ZNF470: variants seen among roughly 807,000 people sequenced by gnomAD.
The protein encoded by ZNF470 is chondrogenesis zinc finger protein 1.
In ZNF470, 13 loss-of-function variants were observed where a neutral mutation model predicts 13.9. That is an observed-to-expected ratio of 0.94 (90% CI 0.61 to 1.49). The LOEUF (loss-of-function observed/expected upper bound fraction) is 1.49, where lower values mean the gene tolerates loss of function less well. Ranked by LOEUF, ZNF470 falls within the 40% of genes most tolerant of loss-of-function variation. The pLI is 0.00. For missense variants in ZNF470, 929 were observed against 857.3 expected (o/e 1.08, Z -1.04); for synonymous variants, 293 against 282.9 (o/e 1.04, Z -0.36).
Position 56,579,597 on chromosome 19 carries a change from AT to A in ZNF470, c.*1017del. On this transcript the variant is annotated 3_prime_UTR_variant, in exon 6 of 6. Transcript: ENST00000330619. ...AAGTACCACAGACAATTCGTGTGGT[AT>A]TTAAATTGTTCTAGCATAAAATAAA... is the stretch of plus-strand genomic sequence containing the variant. 2.0e-6 allele frequency: 2 copies of A among 985,456 alleles called. No homozygotes were observed. The highest frequency in any genetic ancestry group is 2.4e-6 in the Non-Finnish European group (2 of 829,934). The allele number at this position is 985,456 out of a possible 1,614,324, so 61.0% of individuals were successfully genotyped here.
chr19:56,578,004 G>A lies in ZNF470; in HGVS notation c.1575G>A (p.Ala525=), dbSNP rs139141662. Residue 525 remains alanine (A), a synonymous_variant, in exon 6 of 6, where the codon GCG becomes GCA. Coordinates refer to ENST00000330619, the MANE Select transcript of ZNF470 (RefSeq NM_001001668.4). The part of the protein sequence containing the change: ...SKTFSQNAHL[A]QHQKIHTGEK... ...CCTTCAGCCAGAATGCACACCTCGCGCAACATCAGAAAATACACACTGGGG... is the reference window on the plus strand; with the variant it reads ...CCTTCAGCCAGAATGCACACCTCGCACAACATCAGAAAATACACACTGGGG... The A allele has an allele frequency of 2.8e-4, 451 of 1,612,898 alleles. No individual in the cohort carries two copies. The highest frequency in any genetic ancestry group is 2.5e-3 in the African/African-American group (184 of 74,844).
At position 56,582,339 on chromosome 19, in the gene ZNF470, G is replaced by T; in HGVS notation, c.*3756G>T. On this transcript the variant is annotated 3_prime_UTR_variant, in exon 6 of 6. Coordinates refer to ENST00000330619, the MANE Select transcript of ZNF470 (RefSeq NM_001001668.4). ...TAGCTCTTGAATTTCTAGCATTAAG[G>T]CAAAAAAAATTCACCTAAGGGATTT... 34 of 984,964 alleles carry T rather than the reference G, an allele frequency of 3.5e-5. No homozygotes were observed. The highest frequency in any genetic ancestry group is 4.1e-5 in the Non-Finnish European group (34 of 829,804). 61.0% of individuals were successfully genotyped at this position (984,964 alleles called of 1,614,324 possible). A position where few individuals can be genotyped will look rare whatever the true frequency, so the allele number is the denominator to read the frequency against.
Position 56,578,673 on chromosome 19 carries a change from G to A in ZNF470, c.*90G>A. The A allele has an allele frequency of 1.5e-6, 2 of 1,340,686 alleles. No homozygotes were observed. The highest frequency in any genetic ancestry group is 5.1e-5 in the South Asian group (2 of 39,462). 83.0% of individuals were successfully genotyped at this position (1,340,686 alleles called of 1,614,324 possible). ...GTCCAAGACGCAACCATCTCATCTG[G>A]ATTTCTGCAGTAGCATAACTGTTGC... is the stretch of plus-strand genomic sequence containing the variant. On this transcript the variant is annotated 3_prime_UTR_variant, in exon 6 of 6. Transcript: ENST00000330619.
In ZNF470 at chr19:56,567,672, C is replaced by T. The variant is rs1294829087; in HGVS notation, c.-525C>T. On this transcript the variant is annotated 5_prime_UTR_variant, in exon 1 of 6. Transcript: ENST00000330619. ...TACGTGGTGAGCGTGCGGTGCTGTG[C>T]TGAGGAGGGGCGAGCGCGCGCGGGG... is the stretch of plus-strand genomic sequence containing the variant. 6.1e-6 allele frequency: 6 copies of T among 987,798 alleles called. No individual in the cohort carries two copies. Among genetic ancestry groups the T allele is most frequent in the Non-Finnish European group, 7.2e-6 (6 of 831,884 alleles). 61.2% of individuals were successfully genotyped at this position (987,798 alleles called of 1,614,324 possible).
Position 56,577,414 on chromosome 19 carries a change from C to G in ZNF470, c.985C>G (p.Gln329Glu), listed in dbSNP as rs1260202514. ...KAFSQLAHLA[Q>E]HQRVHTGEKP... Reference sequence around the variant, plus strand: ...ATTCAGCCAGCTTGCACACCTTGCTCAACATCAGAGGGTCCACACTGGAGA... The same window carrying G: ...ATTCAGCCAGCTTGCACACCTTGCTGAACATCAGAGGGTCCACACTGGAGA... The change falls in exon 6 of 6, where the codon CAA (glutamine) becomes GAA (glutamate). Residue 329 changes from glutamine to glutamate, a missense_variant. Coordinates refer to ENST00000330619, the MANE Select transcript of ZNF470 (RefSeq NM_001001668.4). The G allele has an allele frequency of 3.1e-6, 5 of 1,613,974 alleles. No homozygotes were observed. In the South Asian group the frequency reaches 4.4e-5, roughly 14 times the overall value.
chr19:56,568,296 G>C (rs1039669074), intron 1 of ZNF470, among the ~76,000 whole-genome samples: 2 of 152,140 alleles, frequency 1.3e-5, no homozygotes, highest in African/African-American at 4.8e-5. Flanking sequence ...CCATGGGAGA[G>C]AACACTACCC....
At chr19:56,574,373 A>T (rs1045423297) in intron 3 of ZNF470, 21 bp from the exon 4 acceptor site, 3 of 1,613,412 alleles carry the variant, frequency 1.9e-6, no homozygotes, top group Non-Finnish European at 2.5e-6. Flanking sequence ...AGTGAGCAAG[A>T]TCATATTTGT....
At position 56,574,664 on chromosome 19, in the gene ZNF470, A is replaced by G. The variant is rs930311265; in HGVS notation, c.214A>G (p.Ile72Val). The part of the protein sequence containing the change: ...VGLCISKPDV[I>V]SLLEQEKDPW... ...TCTTTGCATTTCTAAACCAGATGTGATCTCCTTACTGGAGCAAGAGAAAGA... is the reference window on the plus strand; with the variant it reads ...TCTTTGCATTTCTAAACCAGATGTGGTCTCCTTACTGGAGCAAGAGAAAGA... Residue 72 changes from isoleucine to valine, a missense_variant, in exon 5 of 6, where the codon ATC becomes GTC. Physicochemically the swap from Ile to Val is conservative, Grantham distance 29 (BLOSUM62 3). Coordinates refer to ENST00000330619, the MANE Select transcript of ZNF470 (RefSeq NM_001001668.4). 6.2e-7 allele frequency: 1 copy of G among 1,613,728 alleles called. No homozygotes were observed. The highest frequency in any genetic ancestry group is 8.5e-7 in the Non-Finnish European group (1 of 1,179,828).
In ZNF470 at chr19:56,582,642, A is replaced by T; in HGVS notation, c.*4059A>T. 2 of 920,212 alleles carry T rather than the reference A, an allele frequency of 2.2e-6. No individual in the cohort carries two copies. The highest frequency in any genetic ancestry group is 2.6e-6 in the Non-Finnish European group (2 of 770,586). The allele number at this position is 920,212 out of a possible 1,614,324, so 57.0% of individuals were successfully genotyped here. A position where few individuals can be genotyped will look rare whatever the true frequency, so the allele number is the denominator to read the frequency against. On this transcript the variant is annotated 3_prime_UTR_variant, in exon 6 of 6. Coordinates refer to ENST00000330619, the MANE Select transcript of ZNF470 (RefSeq NM_001001668.4). Reference sequence around the variant, plus strand: ...GTATTTGGACATAAGGCCTTTAAGAAACTAAGGTTAAGTTAGGCCATAAGA... The same window carrying T: ...GTATTTGGACATAAGGCCTTTAAGATACTAAGGTTAAGTTAGGCCATAAGA...
At chr19:56,570,845 A>G (rs1034599911) in intron 3 of ZNF470, among the ~76,000 whole-genome samples, 12 of 152,230 alleles carry the variant, frequency 7.9e-5, no homozygotes, top group Admixed American at 2.0e-4. Context: ...TTAATAGCCC[A>G]TATGATGTCT....
In ZNF470 at chr19:56,579,059, C is replaced by G. The variant is rs1244992723; in HGVS notation, c.*476C>G. ...AGGTAACATGGTGGCTTATCACTCC[C>G]TCTGTGACATTGTTGATGAGCAACT... On this transcript the variant is annotated 3_prime_UTR_variant, in exon 6 of 6. Transcript: ENST00000330619. The G allele has an allele frequency of 1.0e-6, 1 of 985,796 alleles. No individual in the cohort carries two copies. The highest frequency in any genetic ancestry group is 1.2e-6 in the Non-Finnish European group (1 of 830,296). The allele number at this position is 985,796 out of a possible 1,614,324, so 61.1% of individuals were successfully genotyped here.
chr19:56,569,945 C>T (rs1407707504), intron 2 of ZNF470, among the ~76,000 whole-genome samples: 2 of 151,974 alleles, frequency 1.3e-5, no homozygotes, highest in Admixed American at 6.6e-5. Context: ...GCTATGATCA[C>T]GTCACTGTAC....
rs2044540765 is a variant in ZNF470, at chr19:56,582,178, GATT to G, written c.*3599_*3601del. 24 of 985,354 alleles carry G rather than the reference GATT, an allele frequency of 2.4e-5. No homozygotes were observed. Among genetic ancestry groups the G allele is most frequent in the Non-Finnish European group, 2.8e-5 (23 of 829,916 alleles). 61.0% of individuals were successfully genotyped at this position (985,354 alleles called of 1,614,324 possible). A position where few individuals can be genotyped will look rare whatever the true frequency, so the allele number is the denominator to read the frequency against. On this transcript the variant is annotated 3_prime_UTR_variant, in exon 6 of 6. Coordinates refer to ENST00000330619, the MANE Select transcript of ZNF470 (RefSeq NM_001001668.4). ...CATGGTGTGCGATGAGCAAACGCCT[GATT>G]ATTCATTATAGTCACCTGGGATGAA...
chr19:56,580,872 T>C lies in ZNF470; in HGVS notation c.*2289T>C, dbSNP rs947900967. 5 of 985,352 alleles carry C rather than the reference T, an allele frequency of 5.1e-6. No individual in the cohort carries two copies. Among genetic ancestry groups the C allele is most frequent in the Non-Finnish European group, 6.0e-6 (5 of 829,870 alleles). The allele number at this position is 985,352 out of a possible 1,614,324, so 61.0% of individuals were successfully genotyped here. A position where few individuals can be genotyped will look rare whatever the true frequency, so the allele number is the denominator to read the frequency against. ...GTGGGGAAAAGGTGGTTTGATCAAA[T>C]GGCATTGGGAAACTTAGCTCACTGG... On this transcript the variant is annotated 3_prime_UTR_variant, in exon 6 of 6. Transcript: ENST00000330619.
chr19:56,578,701 C>G lies in ZNF470; in HGVS notation c.*118C>G, dbSNP rs2147988625. 7.6e-7 allele frequency: 1 copy of G among 1,308,206 alleles called. No homozygotes were observed. The highest frequency in any genetic ancestry group is 3.0e-5 in the South Asian group (1 of 33,600). The allele number at this position is 1,308,206 out of a possible 1,614,324, so 81.0% of individuals were successfully genotyped here. ...TTCTGCAGTAGCATAACTGTTGCCC[C>G]TTTTGCTTCTATCAACTACATGTTT... On this transcript the variant is annotated 3_prime_UTR_variant, in exon 6 of 6. Coordinates refer to ENST00000330619, the MANE Select transcript of ZNF470 (RefSeq NM_001001668.4).
Position 56,580,849 on chromosome 19 carries a change from G to A in ZNF470, c.*2266G>A. The A allele has an allele frequency of 1.0e-6, 1 of 985,172 alleles. No individual in the cohort carries two copies. The highest frequency in any genetic ancestry group is 1.2e-6 in the Non-Finnish European group (1 of 829,804). The allele number at this position is 985,172 out of a possible 1,614,324, so 61.0% of individuals were successfully genotyped here. A position where few individuals can be genotyped will look rare whatever the true frequency, so the allele number is the denominator to read the frequency against. On this transcript the variant is annotated 3_prime_UTR_variant, in exon 6 of 6. Transcript: ENST00000330619. Reference sequence around the variant, plus strand: ...GATAAAAAGGATTTTTCATTGTAGTGGGGAAAAGGTGGTTTGATCAAATGG... The same window carrying A: ...GATAAAAAGGATTTTTCATTGTAGTAGGGAAAAGGTGGTTTGATCAAATGG...
intron 3 of ZNF470, among the ~76,000 whole-genome samples, chr19:56,572,360 AAAAAAAAAAAAAT>A (rs2044458476): frequency 1.3e-5 from 1 of 79,188 alleles, no homozygotes; most frequent in East Asian, 2.8e-4. Context: ...AAAAAAAAAA[AAAAAAAAAAAAAT>A]ATATATATAT....
In ZNF470 at chr19:56,581,410, T is replaced by G. The variant is rs577640544; in HGVS notation, c.*2827T>G. 12 of 969,178 alleles carry G rather than the reference T, an allele frequency of 1.2e-5. No homozygotes were observed. The highest frequency in any genetic ancestry group is 1.5e-5 in the Non-Finnish European group (12 of 815,262). The allele number at this position is 969,178 out of a possible 1,614,324, so 60.0% of individuals were successfully genotyped here. A position where few individuals can be genotyped will look rare whatever the true frequency, so the allele number is the denominator to read the frequency against. Reference sequence around the variant, plus strand: ...TCTATTGCTTTATGTATATACCCTTTGAATTAATATTCCTTGGAAACCAAC... The same window carrying G: ...TCTATTGCTTTATGTATATACCCTTGGAATTAATATTCCTTGGAAACCAAC... On this transcript the variant is annotated 3_prime_UTR_variant, in exon 6 of 6. Transcript: ENST00000330619.
chr19:56,578,294 A>C lies in ZNF470; in HGVS notation c.1865A>C (p.Glu622Ala). 1.2e-6 allele frequency: 2 copies of C among 1,613,286 alleles called. No homozygotes were observed. Among genetic ancestry groups the C allele is most frequent in the Non-Finnish European group, 1.7e-6 (2 of 1,179,580 alleles). Reference sequence around the variant, plus strand: ...TGTCATACTGGTGAGAAACCTTATGAATGTAATGTTTGTGGGAAAGCCTTT... The same window carrying C: ...TGTCATACTGGTGAGAAACCTTATGCATGTAATGTTTGTGGGAAAGCCTTT... ...QRCHTGEKPY[E>A]CNVCGKAFSH... Residue 622 changes from glutamate to alanine, a missense_variant, in exon 6 of 6, where the codon GAA becomes GCA. Transcript: ENST00000330619.
Sources: gnomAD v4.1 joint callset for allele counts (sites outside exome capture counted in the v4.1 genomes callset) on GRCh38, gnomAD v4.1.1 for gene constraint, MANE v1.5 for transcripts, NCBI Gene and HGNC (gene_info 2026-07-23, HGNC 2026-07-21) for gene names.